Variants in TBXAS1 observed in about 807,000 individuals in gnomAD.
TBXAS1 encodes the protein thromboxane-A synthase.
TBXAS1 carries 48 observed loss-of-function variants against 60.7 expected under a neutral mutation model. The ratio of observed to expected loss-of-function variants is 0.79; its 90% CI spans 0.63 to 1.01. TBXAS1 has a LOEUF of 1.01. TBXAS1 is among the 50% of genes least tolerant of loss of function. The pLI is 0.00. For missense variants in TBXAS1, 685 were observed against 686.3 expected, an observed-to-expected ratio of 1.00 and a Z score of 0.02; for synonymous variants, 287 against 269.7, an observed-to-expected ratio of 1.06 and a Z score of -0.63.
chr7:139,925,554 T>C (rs1393393472), intron 4 of TBXAS1, among the ~76,000 whole-genome samples: 1 of 152,200 alleles, frequency 6.6e-6, no homozygotes, highest in African/African-American at 2.4e-5. Context: ...GTGGAGTCTT[T>C]AGGTTTTTCT....
At chr7:139,946,750 A>G (rs1310429503) in intron 5 of TBXAS1, among the ~76,000 whole-genome samples, 2 of 152,172 alleles carry the variant, frequency 1.3e-5, no homozygotes, top group Non-Finnish European at 2.9e-5. Flanking sequence ...TTTGTTTCTA[A>G]TCTTTGTCAC....
chr7:139,996,086 G>A (rs1313415514), intron 9 of TBXAS1, among the ~76,000 whole-genome samples: 4 of 151,402 alleles, frequency 2.6e-5, no homozygotes, highest in African/African-American at 4.9e-5. Context: ...CTTCCACCTC[G>A]GCCTCCCGAG....
chr7:139,985,633 G>A (rs954149778), intron 9 of TBXAS1, among the ~76,000 whole-genome samples: 31 of 152,296 alleles, frequency 2.0e-4, no homozygotes, highest in African/African-American at 7.0e-4. Context: ...AGAGTTTGGT[G>A]ACCAATTTCT....
intron 8 of TBXAS1, among the ~76,000 whole-genome samples, chr7:139,961,215 T>C (rs542962608): frequency 6.6e-6 from 1 of 152,312 alleles, no homozygotes; most frequent in South Asian, 2.1e-4. Flanking sequence ...CTGGAGACTT[T>C]GAAGACAGGC....
intron 1 of TBXAS1, among the ~76,000 whole-genome samples, chr7:139,861,483 G>A (rs1800963760): frequency 6.8e-6 from 1 of 148,032 alleles, no homozygotes; most frequent in Non-Finnish European, 1.5e-5. Flanking sequence ...CTGACCTCAA[G>A]TGATCCTTGA....
At chr7:139,803,003 G>A (rs1797759779) in intron 4 of TBXAS1, among the ~76,000 whole-genome samples, 1 of 152,148 alleles carries the variant, frequency 6.6e-6, no homozygotes, top group South Asian at 2.1e-4. Context: ...TTTCTTCATA[G>A]CAGTATGAAA....
At chr7:139,839,200 T>C (rs1221975565) in intron 1 of TBXAS1, among the ~76,000 whole-genome samples, 1 of 152,238 alleles carries the variant, frequency 6.6e-6, no homozygotes, top group Admixed American at 6.5e-5. Context: ...TCTTTTCCCT[T>C]CTTTTAGTCT....
At chr7:139,909,209 T>C (rs1481616446) in intron 3 of TBXAS1, among the ~76,000 whole-genome samples, 4 of 152,236 alleles carry the variant, frequency 2.6e-5, no homozygotes, top group African/African-American at 7.2e-5. Flanking sequence ...TGTAGGTTTA[T>C]GTCTTTTGCA....
intron 1 of TBXAS1, among the ~76,000 whole-genome samples, chr7:139,857,203 T>C (rs1800640205): frequency 2.0e-5 from 3 of 152,194 alleles, no homozygotes; most frequent in Admixed American, 1.3e-4. Context: ...TTCCGTGGGA[T>C]GCTACATCTG....
chr7:139,819,025 T>C (rs1798225871), intron 4 of TBXAS1, among the ~76,000 whole-genome samples: 1 of 152,236 alleles, frequency 6.6e-6, no homozygotes, highest in South Asian at 2.1e-4. Context: ...CTCCAGCCTG[T>C]TCTAGTGGCT....
At chr7:139,959,413 A>C (rs1810146675) in intron 8 of TBXAS1, among the ~76,000 whole-genome samples, 1 of 152,196 alleles carries the variant, frequency 6.6e-6, no homozygotes, top group Admixed American at 6.5e-5. Flanking sequence ...TACATCTATC[A>C]GGGTGCGTAT....
At chr7:139,939,851 A>T (rs1201063198) in intron 5 of TBXAS1, among the ~76,000 whole-genome samples, 1 of 152,242 alleles carries the variant, frequency 6.6e-6, no homozygotes. Context: ...AGGAAGGAGC[A>T]GCCAGAGGTG....
rs1354880077 is a variant in TBXAS1 at position 139,947,369 on chromosome 7, A to G, written c.451-5999A>G. 2.0e-5 allele frequency among the ~76,000 whole-genome samples: 3 copies of G among 152,118 alleles called. No homozygotes were observed. In the East Asian group the frequency reaches 5.8e-4, roughly 29 times the overall value. On this transcript the variant is annotated intron_variant, in intron 5 of 12. Coordinates refer to ENST00000448866, the MANE Select transcript of TBXAS1 (RefSeq NM_001061.7). Reference sequence around the variant, plus strand: ...TACAAGTGGGAGCTGAACAATGAGAACACATGCGCATAAGGAGGAGAACAA... The same window carrying G: ...TACAAGTGGGAGCTGAACAATGAGAGCACATGCGCATAAGGAGGAGAACAA...
chr7:139,902,001 A>G (rs1804616216), intron 3 of TBXAS1, among the ~76,000 whole-genome samples: 1 of 151,992 alleles, frequency 6.6e-6, no homozygotes, highest in Non-Finnish European at 1.5e-5. Context: ...GGGAAGTCCT[A>G]TGTTCCCATT....
chr7:139,817,761 T>C (rs1386461902), intron 4 of TBXAS1, among the ~76,000 whole-genome samples: 1 of 152,232 alleles, frequency 6.6e-6, no homozygotes, highest in Non-Finnish European at 1.5e-5. Context: ...ACTCATTATA[T>C]CCTTCTTAGA....
chr7:139,864,156 T>C (rs1489229493), intron 1 of TBXAS1, among the ~76,000 whole-genome samples: 1 of 151,970 alleles, frequency 6.6e-6, no homozygotes, highest in East Asian at 1.9e-4. Context: ...AAAACATAAT[T>C]ATCAGCATAG....
At chr7:139,981,575 T>C (rs1300842461) in intron 9 of TBXAS1, among the ~76,000 whole-genome samples, 1 of 152,234 alleles carries the variant, frequency 6.6e-6, no homozygotes, top group Admixed American at 6.5e-5. Flanking sequence ...CTGGTCAAGC[T>C]CACCTTCCTA....
intron 3 of TBXAS1, among the ~76,000 whole-genome samples, chr7:139,880,068 A>G (rs1371160078): frequency 6.6e-6 from 1 of 152,062 alleles, no homozygotes; most frequent in African/African-American, 2.4e-5. Context: ...ATTTTTGGTA[A>G]AGACGGGGCT....
intron 4 of TBXAS1, among the ~76,000 whole-genome samples, chr7:139,930,128 C>T (rs1285161381): frequency 6.6e-6 from 1 of 152,168 alleles, no homozygotes; most frequent in East Asian, 1.9e-4. Context: ...GTAATGGTTC[C>T]CATGCCCACC....
Sources: allele counts gnomAD v4.1 joint callset (sites outside exome capture counted in the v4.1 genomes callset), GRCh38; gene constraint gnomAD v4.1.1; transcripts MANE v1.5; gene names NCBI Gene and HGNC (gene_info 2026-07-23, HGNC 2026-07-21).